Variants in YIPF4 observed in about 807,000 individuals in gnomAD.
The protein encoded by YIPF4 is Yip1 domain family member 4, also known as protein YIPF4.
In YIPF4, 18 loss-of-function variants were observed where a neutral mutation model predicts 29.4. The ratio of observed to expected loss-of-function variants is 0.61; its 90% CI spans 0.42 to 0.91. The LOEUF is 0.91. Ranked by LOEUF, YIPF4 falls within the 40% of genes least tolerant of loss-of-function variation. YIPF4 has a pLI of 0.00. For synonymous variants in YIPF4, 115 were observed against 104.7 expected, an observed-to-expected ratio of 1.10 and a Z score of -0.60; for missense variants, 279 against 282.7, an observed-to-expected ratio of 0.99 and a Z score of 0.09.
chr2:32,283,100 C>T (rs889110259), intron 1 of YIPF4, among the ~76,000 whole-genome samples: 1 of 151,660 alleles, frequency 6.6e-6, no homozygotes, highest in African/African-American at 2.4e-5. Context: ...AAAGGAATAC[C>T]CAAGTGCTCA....
At chr2:32,279,564 A>AT (rs58214119) in intron 1 of YIPF4, among the ~76,000 whole-genome samples, 3,183 of 111,492 alleles carry the variant, frequency 0.029, 70 homozygotes, top group African/African-American at 0.092. Flanking sequence ...CGCCCGGCTA[A>AT]TTTTTTTTTT....
intron 2 of YIPF4, among the ~76,000 whole-genome samples, 162 bp from the exon 3 acceptor site, chr2:32,292,015 G>T (rs2030939478): frequency 6.6e-6 from 1 of 152,204 alleles, no homozygotes; most frequent in Non-Finnish European, 1.5e-5. Flanking sequence ...TGTTAAAAAT[G>T]TACAGCTTGG....
In YIPF4 at chr2:32,305,920, G is replaced by A; in HGVS notation, c.*294G>A. On this transcript the variant is annotated 3_prime_UTR_variant, in exon 6 of 6. Transcript: ENST00000238831. The stretch of plus-strand genomic sequence containing the variant: ...TGTCGATATTCACCTAAAAACTTGT[G>A]CCAAAAGCACCTGGATTGGTAATTA... The A allele has an allele frequency of 3.9e-6, 4 of 1,027,734 alleles. No individual in the cohort carries two copies. Among genetic ancestry groups the A allele is most frequent in the Non-Finnish European group, 4.7e-6 (4 of 858,442 alleles). The allele number at this position is 1,027,734 out of a possible 1,614,324, so 63.7% of individuals were successfully genotyped here.
At position 32,307,090 on chromosome 2, in the gene YIPF4, T is replaced by A. The variant is rs1247783979; in HGVS notation, c.*1464T>A. The A allele has an allele frequency of 7.7e-7, 1 of 1,290,688 alleles. No individual in the cohort carries two copies. The highest frequency in any genetic ancestry group is 2.5e-5 in the Admixed American group (1 of 40,130). The allele number at this position is 1,290,688 out of a possible 1,614,324, so 80.0% of individuals were successfully genotyped here. On this transcript the variant is annotated 3_prime_UTR_variant, in exon 6 of 6. Coordinates refer to ENST00000238831, the MANE Select transcript of YIPF4 (RefSeq NM_032312.4). ...AATGTAGAAAATTACATGTACTGAT[T>A]TTTTTAAAAACAGGTGAGAAGCACC... is the stretch of plus-strand genomic sequence containing the variant.
intron 1 of YIPF4, among the ~76,000 whole-genome samples, chr2:32,278,659 TG>T (rs200983491): frequency 1.6e-4 from 25 of 151,706 alleles, no homozygotes; most frequent in Non-Finnish European, 3.4e-4. Context: ...GATAATTTTT[TG>T]GGGGGGGTCT....
chr2:32,282,584 C>A (rs1014920660), intron 1 of YIPF4, among the ~76,000 whole-genome samples: 4 of 152,026 alleles, frequency 2.6e-5, no homozygotes, highest in African/African-American at 9.7e-5. Flanking sequence ...AGGCTCGCGC[C>A]ACCACACCCA....
rs1254887888 is a variant in YIPF4, at chr2:32,305,725, T to C, written c.*99T>C. ...GGAGAAAACCTGTTGCTGCAAAATT[T>C]TACATGTTCCAGATGGAAAGGGAAG... On this transcript the variant is annotated 3_prime_UTR_variant, in exon 6 of 6. Coordinates refer to ENST00000238831, the MANE Select transcript of YIPF4 (RefSeq NM_032312.4). The C allele has an allele frequency of 2.3e-6, 3 of 1,310,510 alleles. No individual in the cohort carries two copies. The highest frequency in any genetic ancestry group is 5.6e-5 in the East Asian group (2 of 35,770). The allele number at this position is 1,310,510 out of a possible 1,614,324, so 81.2% of individuals were successfully genotyped here.
At chr2:32,297,134 T>G (rs1281758841) in intron 3 of YIPF4, among the ~76,000 whole-genome samples, 1 of 152,036 alleles carries the variant, frequency 6.6e-6, no homozygotes, top group Non-Finnish European at 1.5e-5. Flanking sequence ...TTTGTTTTTT[T>G]TTTTCTTGAA....
chr2:32,290,549 C>G lies in YIPF4; in HGVS notation c.146C>G (p.Ser49Cys), dbSNP rs767361830. The G allele has an allele frequency of 3.8e-6, 6 of 1,589,310 alleles. No homozygotes were observed. Among genetic ancestry groups the G allele is most frequent in the African/African-American group, 1.4e-5 (1 of 73,546 alleles). The change falls in exon 2 of 6, where the codon TCT becomes TGT. Residue 49 changes from serine to cysteine, a missense_variant. Transcript: ENST00000238831. ...CTTGGTGGAGATTTTATCAAAGAAT[C>G]TACAGCTACTACATTTCTGAGACAA... ...LNLGGDFIKE[S>C]TATTFLRQRG... is the part of the protein sequence containing the mutation.
At position 32,307,344 on chromosome 2, in the gene YIPF4, A is replaced by G. The variant is rs561383544; in HGVS notation, c.*1718A>G. On this transcript the variant is annotated 3_prime_UTR_variant, in exon 6 of 6. Coordinates refer to ENST00000238831, the MANE Select transcript of YIPF4 (RefSeq NM_032312.4). Reference sequence around the variant, plus strand: ...GAGGTAGAATTTTACAAGGCAATAAATGAAGGTATTTTAAGATCACCTCTA... The same window carrying G: ...GAGGTAGAATTTTACAAGGCAATAAGTGAAGGTATTTTAAGATCACCTCTA... The G allele has an allele frequency of 2.0e-5, 4 of 200,682 alleles. No individual in the cohort carries two copies. The South Asian group carries it at 3.9e-4, about 20-fold the overall frequency. 12.4% of individuals were successfully genotyped at this position (200,682 alleles called of 1,614,324 possible).
At position 32,309,913 on chromosome 2, in the gene YIPF4, C is replaced by G. The variant is rs1346574842; in HGVS notation, c.*4287C>G. 1 of 152,086 alleles carries G rather than the reference C, an allele frequency of 6.6e-6. No homozygotes were observed. The highest frequency in any genetic ancestry group is 1.9e-4 in the East Asian group (1 of 5,174). The allele number at this position is 152,086 out of a possible 1,614,324, so 9.4% of individuals were successfully genotyped here. On this transcript the variant is annotated 3_prime_UTR_variant, in exon 6 of 6. Coordinates refer to ENST00000238831, the MANE Select transcript of YIPF4 (RefSeq NM_032312.4). The stretch of plus-strand genomic sequence containing the variant: ...CCATGTTGGCCAGGCTGGTCTTAAA[C>G]TCCTGACCTCAGGTGATCCACCCAC...
At chr2:32,285,444 C>A (rs1424080370) in intron 1 of YIPF4, among the ~76,000 whole-genome samples, 2 of 151,994 alleles carry the variant, frequency 1.3e-5, no homozygotes, top group Non-Finnish European at 2.9e-5. Context: ...GTCTTTTTAT[C>A]CCTATATAAA....
rs2031557474 is a variant in YIPF4 at position 32,305,673 on chromosome 2, A to G, written c.*47A>G. 1 of 1,404,924 alleles carries G rather than the reference A, an allele frequency of 7.1e-7. No individual in the cohort carries two copies. The highest frequency in any genetic ancestry group is 1.9e-5 in the South Asian group (1 of 52,922). The allele number at this position is 1,404,924 out of a possible 1,614,324, so 87.0% of individuals were successfully genotyped here. On this transcript the variant is annotated 3_prime_UTR_variant, in exon 6 of 6. Coordinates refer to ENST00000238831, the MANE Select transcript of YIPF4 (RefSeq NM_032312.4). ...AAAAGATGGTGTTAAATTTGTGTGT[A>G]GGCTGGGAATTCTTGCTGAAGGAAT...
At chr2:32,285,139 A>G (rs2030611625) in intron 1 of YIPF4, among the ~76,000 whole-genome samples, 1 of 152,268 alleles carries the variant, frequency 6.6e-6, no homozygotes, top group South Asian at 2.1e-4. Flanking sequence ...TGGTAAGTGG[A>G]CAGACATTTA....
At chr2:32,285,586 C>A (rs1197197026) in intron 1 of YIPF4, among the ~76,000 whole-genome samples, 1 of 151,958 alleles carries the variant, frequency 6.6e-6, no homozygotes, top group African/African-American at 2.4e-5. Context: ...GTTTGAAATT[C>A]CCCCTTCCCA....
chr2:32,312,147 C>G lies in YIPF4; in HGVS notation c.*6521C>G, dbSNP rs2031726383. ...GGGCCTAGGTACTAAATTCCTCATT[C>G]AATCTTTTTTTACCAAATGGTACTT... On this transcript the variant is annotated 3_prime_UTR_variant, in exon 6 of 6. Transcript: ENST00000238831. The G allele has an allele frequency of 6.6e-6, 1 of 152,110 alleles. No homozygotes were observed. Among genetic ancestry groups the G allele is most frequent in the Non-Finnish European group, 1.5e-5 (1 of 68,024 alleles). The allele number at this position is 152,110 out of a possible 1,614,324, so 9.4% of individuals were successfully genotyped here.
intron 1 of YIPF4, among the ~76,000 whole-genome samples, chr2:32,285,552 T>C (rs73922715): frequency 0.012 from 1,830 of 152,308 alleles, 38 homozygotes; most frequent in African/African-American, 0.043. Flanking sequence ...ACTCTGTTAT[T>C]GTGACCATTT....
chr2:32,301,164 C>T (rs1199405627), intron 4 of YIPF4, among the ~76,000 whole-genome samples: 1 of 152,142 alleles, frequency 6.6e-6, no homozygotes, highest in Non-Finnish European at 1.5e-5. Flanking sequence ...TGGGTATTAT[C>T]AGCAAATTTA....
chr2:32,282,526 G>T (rs534516366), intron 1 of YIPF4, among the ~76,000 whole-genome samples: 1 of 152,026 alleles, frequency 6.6e-6, no homozygotes, highest in East Asian at 1.9e-4. Context: ...TCTGCCTCCC[G>T]GGTTCAAGCG....
Sources: allele counts gnomAD v4.1 joint callset (sites outside exome capture counted in the v4.1 genomes callset), GRCh38; gene constraint gnomAD v4.1.1; transcripts MANE v1.5; gene names NCBI Gene and HGNC (gene_info 2026-07-23, HGNC 2026-07-21).